Variants in TMEFF2 observed in about 807,000 individuals in gnomAD.
TMEFF2 encodes tomoregulin-2.
In TMEFF2, 28 loss-of-function variants were observed where a neutral mutation model predicts 53.8. The observed-to-expected ratio is 0.52, with a 90% CI of 0.39 to 0.71. The LOEUF (loss-of-function observed/expected upper bound fraction) is 0.71, where lower values mean the gene tolerates loss of function less well. TMEFF2 is among the 30% of genes least tolerant of loss of function. The probability of loss-of-function intolerance (pLI) is 0.00; values close to 1 mark genes in which losing one functional copy is unlikely to be tolerated. For missense variants in TMEFF2, 353 were observed against 455.2 expected (o/e 0.78, Z 2.04); for synonymous variants, 162 against 166.3 (o/e 0.97, Z 0.20).
At chr2:192,111,945 G>T (rs980683291) in intron 4 of TMEFF2, among the ~76,000 whole-genome samples, 3 of 152,232 alleles carry the variant, frequency 2.0e-5, no homozygotes, top group African/African-American at 7.2e-5. Flanking sequence ...CAGAAGTCAA[G>T]AATTGAGGTT....
chr2:192,152,536 C>T (rs1466928459), intron 4 of TMEFF2, among the ~76,000 whole-genome samples: 2 of 151,946 alleles, frequency 1.3e-5, no homozygotes, highest in African/African-American at 4.8e-5. Context: ...TCACATTTAT[C>T]AGATGCAAAA....
intron 4 of TMEFF2, among the ~76,000 whole-genome samples, chr2:192,096,668 C>CTCTCTCTG (rs1559124570): frequency 2.2e-4 from 10 of 45,854 alleles, no homozygotes; most frequent in East Asian, 8.2e-4. Flanking sequence ...CTCTCTCTCT[C>CTCTCTCTG]TCTTTTTTTT....
intron 4 of TMEFF2, among the ~76,000 whole-genome samples, chr2:192,067,023 GTT>G (rs1357337228): frequency 3.3e-5 from 5 of 151,788 alleles, no homozygotes; most frequent in African/African-American, 4.8e-5. Context: ...GCAAATCCCA[GTT>G]AGAGGAGATT....
chr2:192,045,439 G>A (rs958893287), intron 5 of TMEFF2, among the ~76,000 whole-genome samples: 3 of 151,886 alleles, frequency 2.0e-5, no homozygotes, highest in African/African-American at 7.3e-5. Flanking sequence ...TCTCTCAATG[G>A]GCAAAAAACC....
chr2:192,120,796 G>A (rs1301775860), intron 4 of TMEFF2, among the ~76,000 whole-genome samples: 1 of 151,894 alleles, frequency 6.6e-6, no homozygotes. Context: ...GAGTGCAATG[G>A]CACAATCTCA....
At chr2:192,173,557 A>G (rs1305533956) in intron 4 of TMEFF2, among the ~76,000 whole-genome samples, 1 of 151,714 alleles carries the variant, frequency 6.6e-6, no homozygotes, top group African/African-American at 2.4e-5. Flanking sequence ...ACTCCCTCCT[A>G]CTTCTTCTTT....
chr2:192,069,986 G>GTA (rs1688252893), intron 4 of TMEFF2, among the ~76,000 whole-genome samples: 2 of 11,678 alleles, frequency 1.7e-4, no homozygotes, highest in African/African-American at 2.7e-4. Context: ...GTGTGTGTGT[G>GTA]TGTATATATA....
At chr2:192,063,228 T>TTGA (rs1688091188) in intron 4 of TMEFF2, among the ~76,000 whole-genome samples, 1 of 151,928 alleles carries the variant, frequency 6.6e-6, no homozygotes, top group Admixed American at 6.6e-5. Flanking sequence ...ACCACAAATA[T>TTGA]TGATATGTTG....
chr2:192,042,650 TATTTAATATTGC>T (rs1165058855), intron 5 of TMEFF2, among the ~76,000 whole-genome samples: 2 of 152,224 alleles, frequency 1.3e-5, no homozygotes, highest in South Asian at 2.1e-4. Flanking sequence ...ACTTGGCAGA[TATTTAATATTGC>T]ATTTAATATT....
intron 4 of TMEFF2, among the ~76,000 whole-genome samples, chr2:192,110,499 C>A (rs1689248294): frequency 6.6e-6 from 1 of 152,122 alleles, no homozygotes; most frequent in Non-Finnish European, 1.5e-5. Context: ...TAATTTTATT[C>A]TTTTCTGTCT....
chr2:192,088,312 T>C (rs1051708668), intron 4 of TMEFF2, among the ~76,000 whole-genome samples: 1 of 152,110 alleles, frequency 6.6e-6, no homozygotes, highest in African/African-American at 2.4e-5. Flanking sequence ...TCACACTGCC[T>C]TTACTAACAC....
chr2:192,132,323 G>T (rs151110660), intron 4 of TMEFF2, among the ~76,000 whole-genome samples: 64,103 of 151,844 alleles, frequency 0.42, 14,295 homozygotes, highest in East Asian at 0.75. Context: ...AAATCAGATA[G>T]CATTTAGGCT....
At chr2:192,056,907 A>C (rs1228472932) in intron 5 of TMEFF2, among the ~76,000 whole-genome samples, 1 of 152,188 alleles carries the variant, frequency 6.6e-6, no homozygotes, top group African/African-American at 2.4e-5. Flanking sequence ...CAGACACTAA[A>C]TCTGCCTTGA....
chr2:192,063,185 T>A (rs1296532541), intron 4 of TMEFF2, among the ~76,000 whole-genome samples: 1 of 151,964 alleles, frequency 6.6e-6, no homozygotes, highest in Non-Finnish European at 1.5e-5. Context: ...TTAAAATGTA[T>A]AAATTGCCTT....
At chr2:192,033,274 CT>C (rs1345530575) in intron 5 of TMEFF2, among the ~76,000 whole-genome samples, 1 of 152,128 alleles carries the variant, frequency 6.6e-6, no homozygotes, top group Non-Finnish European at 1.5e-5. Context: ...AGATAAACTT[CT>C]TTAGATAAGC....
chr2:191,951,501 T>C (rs1691881577), intron 9 of TMEFF2, among the ~76,000 whole-genome samples: 1 of 149,350 alleles, frequency 6.7e-6, no homozygotes, highest in African/African-American at 2.4e-5. Context: ...AGAGACCAGA[T>C]GAGGAAGACG....
chr2:191,989,472 T>C (rs1686053286), intron 7 of TMEFF2, among the ~76,000 whole-genome samples: 1 of 152,164 alleles, frequency 6.6e-6, no homozygotes, highest in African/African-American at 2.4e-5. Context: ...CTTGATGCCC[T>C]AAACATCTAA....
intron 4 of TMEFF2, among the ~76,000 whole-genome samples, chr2:192,063,025 A>G (rs569124702): frequency 2.6e-5 from 4 of 151,546 alleles, no homozygotes; most frequent in South Asian, 2.1e-4. Flanking sequence ...TTCTTTATAC[A>G]AGGCTATTTC....
chr2:192,085,615 A>G (rs1030925444), intron 4 of TMEFF2, among the ~76,000 whole-genome samples: 8 of 151,964 alleles, frequency 5.3e-5, no homozygotes, highest in African/African-American at 1.9e-4. Context: ...CAACTATGAA[A>G]TCTTCTGCAC....
Sources: gnomAD v4.1 joint callset for allele counts (sites outside exome capture counted in the v4.1 genomes callset) on GRCh38, gnomAD v4.1.1 for gene constraint, MANE v1.5 for transcripts, NCBI Gene and HGNC (gene_info 2026-07-23, HGNC 2026-07-21) for gene names.